The following DCLK1 variants were observed in gnomAD, a reference collection of about 807,000 sequenced individuals.
DCLK1 encodes serine/threonine-protein kinase DCLK1.
A neutral mutation model predicts 86.2 loss-of-function variants in DCLK1; 16 were observed. The ratio of observed to expected loss-of-function variants is 0.19; its 90% CI spans 0.13 to 0.28. DCLK1 has a LOEUF of 0.28. Ranked by LOEUF, DCLK1 falls within the 10% of genes least tolerant of loss-of-function variation. The pLI is 1.00. For synonymous variants in DCLK1, 369 were observed against 370.5 expected (o/e 1.00, Z 0.05); for missense variants, 590 against 940.2 (o/e 0.63, Z 4.87).
chr13:35,888,248 T>C (rs9593540), intron 4 of DCLK1, among the ~76,000 whole-genome samples: 257 of 152,328 alleles, frequency 1.7e-3, no homozygotes, highest in African/African-American at 5.8e-3. Context: ...GTTGTATTGT[T>C]TAATTTTAAA....
intron 3 of DCLK1, among the ~76,000 whole-genome samples, chr13:36,054,342 G>A (rs935119888): frequency 3.3e-5 from 5 of 152,162 alleles, no homozygotes; most frequent in Non-Finnish European, 5.9e-5. Flanking sequence ...CTGCTGTGCT[G>A]TAATAAAGTC....
At chr13:36,104,694 C>T (rs552268374) in intron 3 of DCLK1, among the ~76,000 whole-genome samples, 18 of 151,818 alleles carry the variant, frequency 1.2e-4, no homozygotes, top group Admixed American at 7.2e-4. Context: ...ATTACTTTCT[C>T]GGTGGGATGG....
chr13:35,844,039 T>A (rs1418284495), intron 6 of DCLK1, among the ~76,000 whole-genome samples: 1 of 152,142 alleles, frequency 6.6e-6, no homozygotes, highest in East Asian at 1.9e-4. Context: ...TATAGAACAA[T>A]AAGTTGAAGG....
At chr13:35,843,223 A>G (rs2153108595) in intron 6 of DCLK1, among the ~76,000 whole-genome samples, 1 of 152,314 alleles carries the variant, frequency 6.6e-6, no homozygotes, top group East Asian at 1.9e-4. Context: ...ATCTGGGTGT[A>G]CAGTACAAAA....
At chr13:36,064,024 A>C (rs959532094) in intron 3 of DCLK1, among the ~76,000 whole-genome samples, 1 of 152,206 alleles carries the variant, frequency 6.6e-6, no homozygotes, top group Non-Finnish European at 1.5e-5. Flanking sequence ...AATCAGGTAA[A>C]ATGAGAAGTA....
At chr13:35,940,111 C>T (rs1463276108) in intron 4 of DCLK1, among the ~76,000 whole-genome samples, 1 of 151,912 alleles carries the variant, frequency 6.6e-6, no homozygotes, top group Non-Finnish European at 1.5e-5. Context: ...GTCCCAGCTA[C>T]TCGGGAGGAT....
intron 3 of DCLK1, among the ~76,000 whole-genome samples, chr13:35,951,256 T>C (rs1877660051): frequency 8.0e-6 from 1 of 124,586 alleles, no homozygotes; most frequent in Non-Finnish European, 1.7e-5. Flanking sequence ...GATGGATGGA[T>C]TAATGGATGG....
chr13:35,967,555 C>A (rs1191994363), intron 3 of DCLK1, among the ~76,000 whole-genome samples: 1 of 152,180 alleles, frequency 6.6e-6, no homozygotes, highest in Non-Finnish European at 1.5e-5. Flanking sequence ...GAAACATGTG[C>A]TGTGTCCACT....
intron 5 of DCLK1, among the ~76,000 whole-genome samples, chr13:35,856,215 G>A (rs963771800): frequency 2.6e-5 from 4 of 152,216 alleles, no homozygotes; most frequent in Non-Finnish European, 4.4e-5. Context: ...GGAAAGCTGA[G>A]AATGCTTTAA....
At chr13:35,939,420 T>C (rs1876959865) in intron 4 of DCLK1, among the ~76,000 whole-genome samples, 1 of 152,268 alleles carries the variant, frequency 6.6e-6, no homozygotes, top group South Asian at 2.1e-4. Context: ...TTTGTTTATT[T>C]GTTTTTTGAG....
chr13:35,992,615 A>G (rs1212078559), intron 3 of DCLK1, among the ~76,000 whole-genome samples: 1 of 152,120 alleles, frequency 6.6e-6, no homozygotes, highest in East Asian at 1.9e-4. Context: ...TTTTCCTTCT[A>G]TCAATGACCA....
intron 4 of DCLK1, among the ~76,000 whole-genome samples, chr13:35,882,044 T>A (rs1237260079): frequency 2.0e-5 from 3 of 152,198 alleles, no homozygotes; most frequent in Non-Finnish European, 4.4e-5. Flanking sequence ...CTTCATGGCT[T>A]AAAATGACCA....
At chr13:35,802,460 G>T (rs1339343120) in intron 15 of DCLK1, among the ~76,000 whole-genome samples, 1 of 152,018 alleles carries the variant, frequency 6.6e-6, no homozygotes, top group Non-Finnish European at 1.5e-5. Flanking sequence ...TGGTCACCCT[G>T]TCTCAGTTTC....
At chr13:35,843,376 T>A (rs376841362) in intron 6 of DCLK1, among the ~76,000 whole-genome samples, 16 of 152,300 alleles carry the variant, frequency 1.1e-4, no homozygotes, top group African/African-American at 3.6e-4. Flanking sequence ...CACACCTTCA[T>A]AAAAGCACTG....
intron 11 of DCLK1, among the ~76,000 whole-genome samples, chr13:35,821,064 A>G (rs2087382642): frequency 6.6e-6 from 1 of 152,166 alleles, no homozygotes. Flanking sequence ...TAGTAGTATG[A>G]GCTAAGGCTC....
chr13:36,069,621 G>A (rs1883891733), intron 3 of DCLK1, among the ~76,000 whole-genome samples: 1 of 152,052 alleles, frequency 6.6e-6, no homozygotes, highest in Admixed American at 6.6e-5. Context: ...CTCCTCTCCA[G>A]AAGTCAGGTC....
intron 4 of DCLK1, among the ~76,000 whole-genome samples, chr13:35,932,167 G>C: frequency 1.3e-5 from 2 of 152,276 alleles, no homozygotes; most frequent in Middle Eastern, 6.8e-3. Context: ...CAGAACAAAA[G>C]GTAGATGAAG....
At chr13:36,129,258 G>A (rs531128832) in intron 1 of DCLK1, among the ~76,000 whole-genome samples, 9 of 152,308 alleles carry the variant, frequency 5.9e-5, no homozygotes, top group Admixed American at 3.3e-4. Context: ...TTCCCTGGGG[G>A]AACGGGCTTT....
At chr13:36,105,447 C>T (rs143583005) in intron 3 of DCLK1, among the ~76,000 whole-genome samples, 21 of 152,138 alleles carry the variant, frequency 1.4e-4, no homozygotes, top group Admixed American at 2.6e-4. Flanking sequence ...ATAGAGCAGG[C>T]ATTATTATCA....
Sources: allele counts gnomAD v4.1 joint callset (sites outside exome capture counted in the v4.1 genomes callset), GRCh38; gene constraint gnomAD v4.1.1; transcripts MANE v1.5; gene names NCBI Gene and HGNC (gene_info 2026-07-23, HGNC 2026-07-21).